The following CTNNA3 variants were observed in gnomAD, a reference collection of about 807,000 sequenced individuals.
CTNNA3 encodes catenin alpha 3.
In CTNNA3, 76 loss-of-function variants were observed where a neutral mutation model predicts 95.7. The ratio of observed to expected loss-of-function variants is 0.79; its 90% CI spans 0.66 to 0.96. CTNNA3 has a LOEUF of 0.96. Among genes scored for constraint, CTNNA3 ranks in the 40% least tolerant of loss-of-function variants. The pLI is 0.00. For synonymous variants in CTNNA3, 431 were observed against 374.4 expected, an observed-to-expected ratio of 1.15 and a Z score of -1.74; for missense variants, 1,191 against 1,089.8, an observed-to-expected ratio of 1.09 and a Z score of -1.31.
intron 7 of CTNNA3, among the ~76,000 whole-genome samples, chr10:66,832,214 T>A (rs980172398): frequency 3.3e-5 from 5 of 152,218 alleles, no homozygotes; most frequent in African/African-American, 7.2e-5. Flanking sequence ...GTTTTGATGA[T>A]AAATTGTTAT....
intron 12 of CTNNA3, among the ~76,000 whole-genome samples, chr10:66,361,637 A>C (rs1256583644): frequency 6.6e-6 from 1 of 151,566 alleles, no homozygotes; most frequent in African/African-American, 2.4e-5. Flanking sequence ...TCCTGGGCTC[A>C]AGGGATCTTC....
intron 15 of CTNNA3, among the ~76,000 whole-genome samples, chr10:65,997,739 G>T (rs931229211): frequency 6.6e-6 from 1 of 152,184 alleles, no homozygotes; most frequent in African/African-American, 2.4e-5. Flanking sequence ...AAAAACGTCC[G>T]GGAGCAGTGG....
At chr10:67,232,348 G>A (rs1216697981) in intron 5 of CTNNA3, among the ~76,000 whole-genome samples, 2 of 151,982 alleles carry the variant, frequency 1.3e-5, no homozygotes, top group East Asian at 1.9e-4. Context: ...GAGAGTGGGG[G>A]CCAATATTCA....
intron 7 of CTNNA3, among the ~76,000 whole-genome samples, chr10:66,995,610 C>A (rs1851283429): frequency 6.6e-6 from 1 of 152,142 alleles, no homozygotes; most frequent in Admixed American, 6.5e-5. Flanking sequence ...CTCTTGTCTA[C>A]ATCTCTATAT....
chr10:66,820,385 T>C (rs754948018), intron 7 of CTNNA3, among the ~76,000 whole-genome samples: 22 of 151,820 alleles, frequency 1.4e-4, no homozygotes, highest in Non-Finnish European at 2.6e-4. Flanking sequence ...GTGACGAAAA[T>C]ATACTAGTAT....
chr10:67,150,611 T>C (rs1295314674), intron 7 of CTNNA3, among the ~76,000 whole-genome samples: 1 of 152,124 alleles, frequency 6.6e-6, no homozygotes, highest in Non-Finnish European at 1.5e-5. Flanking sequence ...TCAAAAAGAA[T>C]CACAACAATA....
At chr10:67,173,150 G>T (rs1443096939) in intron 7 of CTNNA3, among the ~76,000 whole-genome samples, 1 of 152,112 alleles carries the variant, frequency 6.6e-6, no homozygotes, top group African/African-American at 2.4e-5. Flanking sequence ...ACAACCTTTT[G>T]ATTTTTGCTA....
At chr10:66,300,710 G>T (rs75709220) in intron 12 of CTNNA3, among the ~76,000 whole-genome samples, 10,694 of 151,410 alleles carry the variant, frequency 0.071, 491 homozygotes, top group Admixed American at 0.12. Context: ...AAGTATCAAG[G>T]TAAGGTATAT....
intron 5 of CTNNA3, among the ~76,000 whole-genome samples, chr10:67,347,313 C>T (rs1842461415): frequency 1.3e-5 from 2 of 152,098 alleles, no homozygotes; most frequent in African/African-American, 4.8e-5. Context: ...CATTTTCCCA[C>T]CTCAGCCTCC....
chr10:66,256,233 T>G (rs984120056), intron 13 of CTNNA3, among the ~76,000 whole-genome samples: 3 of 152,178 alleles, frequency 2.0e-5, no homozygotes, highest in Non-Finnish European at 4.4e-5. Flanking sequence ...TGCTGGACAC[T>G]ATGCAAAAAT....
At chr10:67,712,041 C>A (rs1246527207) in intron 1 of CTNNA3, among the ~76,000 whole-genome samples, 1 of 151,992 alleles carries the variant, frequency 6.6e-6, no homozygotes, top group Admixed American at 6.6e-5. Flanking sequence ...TGGGTATATA[C>A]CCAAAGGACT....
At chr10:66,103,591 A>G (rs1394869812) in intron 13 of CTNNA3, among the ~76,000 whole-genome samples, 1 of 152,198 alleles carries the variant, frequency 6.6e-6, no homozygotes, top group Non-Finnish European at 1.5e-5. Flanking sequence ...GTGAACCTTG[A>G]AAACATCATC....
At chr10:67,526,446 T>C (rs1376886965) in intron 4 of CTNNA3, among the ~76,000 whole-genome samples, 1 of 151,814 alleles carries the variant, frequency 6.6e-6, no homozygotes, top group African/African-American at 2.4e-5. Context: ...TAGTTCTATG[T>C]AGGTGAAGGC....
At chr10:66,903,470 G>C (rs1397342421) in intron 7 of CTNNA3, among the ~76,000 whole-genome samples, 4 of 152,102 alleles carry the variant, frequency 2.6e-5, no homozygotes, top group Admixed American at 6.5e-5. Context: ...ACCGGCATAA[G>C]AAAAGGATGC....
chr10:66,612,263 A>G (rs145677480), intron 10 of CTNNA3, among the ~76,000 whole-genome samples: 91 of 152,158 alleles, frequency 6.0e-4, no homozygotes, highest in Middle Eastern at 3.4e-3. Context: ...GTAATATTCA[A>G]TTATCTTTTA....
chr10:66,359,384 C>A (rs1170569880), intron 12 of CTNNA3, among the ~76,000 whole-genome samples: 1 of 152,144 alleles, frequency 6.6e-6, no homozygotes, highest in Non-Finnish European at 1.5e-5. Context: ...ACTTGATTAG[C>A]CTCTCATTTC....
At chr10:66,829,844 C>A (rs1470022018) in intron 7 of CTNNA3, among the ~76,000 whole-genome samples, 2 of 72,416 alleles carry the variant, frequency 2.8e-5, no homozygotes, top group Non-Finnish European at 3.2e-5. Context: ...TTAACAAGCT[C>A]CCCAGGGGAT....
At chr10:66,540,285 T>C (rs959970380) in intron 10 of CTNNA3, among the ~76,000 whole-genome samples, 6 of 152,144 alleles carry the variant, frequency 3.9e-5, no homozygotes, top group Non-Finnish European at 8.8e-5. Flanking sequence ...GCTGGAACAG[T>C]CTCACTTGAA....
intron 11 of CTNNA3, among the ~76,000 whole-genome samples, chr10:66,509,022 T>G (rs1181937661): frequency 6.6e-6 from 1 of 152,094 alleles, no homozygotes; most frequent in East Asian, 1.9e-4. Context: ...AAGAGTTCCA[T>G]TTCTTCTGCA....
Sources: allele counts gnomAD v4.1 joint callset (sites outside exome capture counted in the v4.1 genomes callset), GRCh38; gene constraint gnomAD v4.1.1; transcripts MANE v1.5; gene names NCBI Gene and HGNC (gene_info 2026-07-23, HGNC 2026-07-21).